EXOC6B: variants seen among roughly 807,000 people sequenced by gnomAD.
The protein encoded by EXOC6B is exocyst complex component 6B.
A neutral mutation model predicts 113.5 loss-of-function variants in EXOC6B; 54 were observed. That is an observed-to-expected ratio of 0.48 (90% CI 0.38 to 0.60). The LOEUF is 0.60. Ranked by LOEUF, EXOC6B falls within the 20% of genes least tolerant of loss-of-function variation. The pLI, the probability that EXOC6B is intolerant of heterozygous loss-of-function variation, is 0.00. For synonymous variants in EXOC6B, 357 were observed against 339.0 expected, an observed-to-expected ratio of 1.05 and a Z score of -0.58; for missense variants, 797 against 977.5, an observed-to-expected ratio of 0.82 and a Z score of 2.46.
At chr2:72,476,685 C>G (rs903775935) in intron 17 of EXOC6B, among the ~76,000 whole-genome samples, 1 of 151,978 alleles carries the variant, frequency 6.6e-6, no homozygotes, top group Admixed American at 6.6e-5. Context: ...CAATGAAGCA[C>G]AGTAGAATGT....
chr2:72,706,766 A>T (rs779367200), intron 6 of EXOC6B, among the ~76,000 whole-genome samples: 14 of 152,060 alleles, frequency 9.2e-5, no homozygotes, highest in Non-Finnish European at 1.8e-4. Context: ...ATTCTTTGAC[A>T]CTCATCCTAT....
intron 6 of EXOC6B, among the ~76,000 whole-genome samples, chr2:72,632,939 T>A (rs1222458019): frequency 6.6e-6 from 1 of 152,142 alleles, no homozygotes; most frequent in African/African-American, 2.4e-5. Flanking sequence ...GCCTCTCTAA[T>A]TGTTGGATTT....
chr2:72,603,077 T>G (rs1670528351), intron 6 of EXOC6B, among the ~76,000 whole-genome samples: 1 of 149,276 alleles, frequency 6.7e-6, no homozygotes, highest in African/African-American at 2.4e-5. Flanking sequence ...CAGATGGTTT[T>G]TTTTTTTTTT....
chr2:72,374,804 A>G (rs1325343170), intron 19 of EXOC6B, among the ~76,000 whole-genome samples: 1 of 150,016 alleles, frequency 6.7e-6, no homozygotes, highest in Non-Finnish European at 1.5e-5. Flanking sequence ...CCATAAATAC[A>G]TATGCCTACT....
At chr2:72,598,909 T>C (rs180751157) in intron 6 of EXOC6B, among the ~76,000 whole-genome samples, 1 of 152,172 alleles carries the variant, frequency 6.6e-6, no homozygotes, top group East Asian at 1.9e-4. Context: ...GAATTAATAA[T>C]TAATAACCTT....
intron 20 of EXOC6B, among the ~76,000 whole-genome samples, chr2:72,261,722 T>C (rs2104584978): frequency 6.6e-6 from 1 of 152,278 alleles, no homozygotes; most frequent in East Asian, 1.9e-4. Flanking sequence ...ACAAGTTATA[T>C]TTTCATATAT....
intron 20 of EXOC6B, among the ~76,000 whole-genome samples, chr2:72,227,595 A>C (rs1192994515): frequency 6.6e-6 from 1 of 152,188 alleles, no homozygotes; most frequent in Admixed American, 6.5e-5. Flanking sequence ...GAAGAGCACA[A>C]CTGATATGTT....
chr2:72,362,934 T>G (rs570272294), intron 19 of EXOC6B, among the ~76,000 whole-genome samples: 2 of 152,220 alleles, frequency 1.3e-5, no homozygotes, highest in Non-Finnish European at 2.9e-5. Context: ...GACTTCCTCA[T>G]TTTGAATATG....
chr2:72,333,488 A>C (rs1158358438), intron 20 of EXOC6B, among the ~76,000 whole-genome samples: 1 of 152,164 alleles, frequency 6.6e-6, no homozygotes, highest in Non-Finnish European at 1.5e-5. Flanking sequence ...TCTGAGAAGA[A>C]ACAGGAGGGT....
intron 7 of EXOC6B, among the ~76,000 whole-genome samples, chr2:72,573,917 C>A (rs1704664905): frequency 6.6e-6 from 1 of 151,962 alleles, no homozygotes; most frequent in South Asian, 2.1e-4. Context: ...TGATCCAGAC[C>A]ATCCTGGCTA....
intron 18 of EXOC6B, among the ~76,000 whole-genome samples, chr2:72,402,334 T>C (rs576621965): frequency 3.0e-4 from 46 of 152,360 alleles, no homozygotes; most frequent in Non-Finnish European, 4.9e-4. Context: ...TTTACAATTA[T>C]ATTTAAGCAT....
intron 6 of EXOC6B, among the ~76,000 whole-genome samples, chr2:72,700,960 G>A (rs1678285593): frequency 6.6e-6 from 1 of 151,482 alleles, no homozygotes. Context: ...AGATTAAAAT[G>A]GTAACTTTTA....
At chr2:72,440,442 G>A (rs1364020996) in intron 18 of EXOC6B, among the ~76,000 whole-genome samples, 2 of 152,082 alleles carry the variant, frequency 1.3e-5, no homozygotes, top group African/African-American at 2.4e-5. Flanking sequence ...GCCAAACTAA[G>A]TGAAGGAGAA....
intron 8 of EXOC6B, among the ~76,000 whole-genome samples, chr2:72,551,765 G>A (rs553754518): frequency 1.8e-4 from 27 of 152,194 alleles, no homozygotes; most frequent in African/African-American, 2.9e-4. Flanking sequence ...CAAAGTGCTG[G>A]GATTACAGGC....
chr2:72,826,033 C>A lies in EXOC6B; in HGVS notation c.-123G>T. 6.8e-6 allele frequency: 10 copies of A among 1,465,502 alleles called. No individual in the cohort carries two copies. The highest frequency in any genetic ancestry group is 9.1e-6 in the Non-Finnish European group (10 of 1,104,702). 90.8% of individuals were successfully genotyped at this position (1,465,502 alleles called of 1,614,324 possible). Reference sequence around the variant, plus strand: ...CAGCCTCTGGCTACCCGCAGGCCGACCCCTCCCTCAGGCTCGACACGCCCC... The same window carrying A: ...CAGCCTCTGGCTACCCGCAGGCCGAACCCTCCCTCAGGCTCGACACGCCCC... On this transcript the variant is annotated 5_prime_UTR_variant, in exon 1 of 22. Transcript: ENST00000272427.
chr2:72,409,015 T>G (rs1306279211), intron 18 of EXOC6B, among the ~76,000 whole-genome samples: 2 of 151,832 alleles, frequency 1.3e-5, no homozygotes, highest in South Asian at 2.1e-4. Flanking sequence ...CAAACAAATT[T>G]ACAAGAAAAA....
intron 17 of EXOC6B, among the ~76,000 whole-genome samples, chr2:72,468,299 A>T (rs778265585): frequency 5.9e-5 from 9 of 152,104 alleles, no homozygotes; most frequent in Non-Finnish European, 1.3e-4. Flanking sequence ...TTAAGTCTTT[A>T]ATCCATTTTA....
chr2:72,626,857 A>C (rs985706062), intron 6 of EXOC6B, among the ~76,000 whole-genome samples: 1 of 152,082 alleles, frequency 6.6e-6, no homozygotes, highest in Non-Finnish European at 1.5e-5. Context: ...TAGCCACCTA[A>C]TATATATTCA....
intron 11 of EXOC6B, among the ~76,000 whole-genome samples, chr2:72,508,163 C>CAAAAAAAAA (rs67586747): frequency 2.7e-3 from 158 of 57,460 alleles, no homozygotes; most frequent in African/African-American, 6.5e-3. Flanking sequence ...ATATTACCCG[C>CAAAAAAAAA]AAAAAAAAAA....
Sources: gnomAD v4.1 joint callset for allele counts (sites outside exome capture counted in the v4.1 genomes callset) on GRCh38, gnomAD v4.1.1 for gene constraint, MANE v1.5 for transcripts, NCBI Gene and HGNC (gene_info 2026-07-23, HGNC 2026-07-21) for gene names.